Variants in GATM observed in about 807,000 individuals in gnomAD.
GATM encodes glycine amidinotransferase, mitochondrial.
In GATM, 23 loss-of-function variants were observed where a neutral mutation model predicts 54.2. The ratio of observed to expected loss-of-function variants is 0.42; its 90% CI spans 0.31 to 0.60. The LOEUF (loss-of-function observed/expected upper bound fraction) is 0.60. Ranked by LOEUF, GATM falls within the 20% of genes least tolerant of loss-of-function variation. GATM has a pLI of 0.14. For missense variants in GATM, 401 were observed against 544.9 expected (o/e 0.74, Z 2.63); for synonymous variants, 168 against 183.1 (o/e 0.92, Z 0.67).
At chr15:45,374,950 G>A (rs924480247) in intron 2 of GATM, among the ~76,000 whole-genome samples, 1 of 152,178 alleles carries the variant, frequency 6.6e-6, no homozygotes, top group African/African-American at 2.4e-5. Flanking sequence ...TCTAGGCTGT[G>A]TCTACAATGT....
intron 3 of GATM, among the ~76,000 whole-genome samples, chr15:45,389,132 T>C (rs760468632): frequency 6.6e-6 from 1 of 152,264 alleles, no homozygotes; most frequent in Non-Finnish European, 1.5e-5. Flanking sequence ...ATCAATAAAC[T>C]TTCCAGACAA....
chr15:45,363,250 C>T (rs779771099), intron 8 of GATM, among the ~76,000 whole-genome samples: 3 of 151,906 alleles, frequency 2.0e-5, no homozygotes, highest in African/African-American at 4.8e-5. Context: ...ACAGCCTGGG[C>T]GACACAGCTC....
chr15:45,378,270 C>T (rs1246150430), intron 1 of GATM, 115 bp downstream of exon 1: 2 of 777,756 alleles, frequency 2.6e-6, no homozygotes, highest in Non-Finnish European at 4.1e-6. Flanking sequence ...GCAATTCCGG[C>T]TAGGGAAAGC....
At chr15:45,370,093 T>C (rs558303162) in intron 2 of GATM, among the ~76,000 whole-genome samples, 3 of 152,314 alleles carry the variant, frequency 2.0e-5, no homozygotes, top group African/African-American at 7.2e-5. Context: ...AACCCCATTA[T>C]TGGCCAGGCA....
chr15:45,375,778 G>T (rs1016035463), intron 2 of GATM, among the ~76,000 whole-genome samples: 2 of 152,228 alleles, frequency 1.3e-5, no homozygotes, highest in East Asian at 3.9e-4. Context: ...TGCGGGGGGT[G>T]GTGGGGTAGT....
chr15:45,375,652 T>C (rs1313669863), intron 2 of GATM, among the ~76,000 whole-genome samples: 2 of 152,152 alleles, frequency 1.3e-5, no homozygotes, highest in Non-Finnish European at 2.9e-5. Flanking sequence ...AATGAACACC[T>C]GCTAATCTGC....
At chr15:45,386,270 G>A (rs1889802715) in intron 3 of GATM, among the ~76,000 whole-genome samples, 1 of 152,196 alleles carries the variant, frequency 6.6e-6, no homozygotes, top group Non-Finnish European at 1.5e-5. Context: ...TTTAAATAGT[G>A]ACAATCTTTG....
chr15:45,393,328 A>G (rs932492297), intron 3 of GATM, among the ~76,000 whole-genome samples: 1 of 152,154 alleles, frequency 6.6e-6, no homozygotes, highest in African/African-American at 2.4e-5. Flanking sequence ...CAAGCCACTT[A>G]GTTTTGAATC....
upstream of GATM, among the ~76,000 whole-genome samples, chr15:45,381,275 T>G (rs906829694): frequency 6.6e-6 from 1 of 152,212 alleles, no homozygotes; most frequent in Non-Finnish European, 1.5e-5. Flanking sequence ...CTAATAGTAG[T>G]TCATCTTTGT....
Position 45,362,066 on chromosome 15 carries a change from C to T in GATM, c.*43G>A, listed in dbSNP as rs1889373995. On this transcript the variant is annotated 3_prime_UTR_variant, in exon 9 of 9. Coordinates refer to ENST00000396659, the MANE Select transcript of GATM (RefSeq NM_001482.3). ...GAGAATGAACCTTGCCCCTAAGCTT[C>T]TTAGGTGTATCTGAGGCCAGCCACA... 1.7e-6 allele frequency: 2 copies of T among 1,182,444 alleles called. No homozygotes were observed. Among genetic ancestry groups the T allele is most frequent in the African/African-American group, 3.1e-5 (2 of 65,488 alleles). 73.2% of individuals were successfully genotyped at this position (1,182,444 alleles called of 1,614,324 possible).
chr15:45,363,263 T>C lies in GATM; in HGVS notation c.1159+637A>G, dbSNP rs537501251. 2.0e-5 allele frequency among the ~76,000 whole-genome samples: 3 copies of C among 151,852 alleles called. No individual in the cohort carries two copies. The South Asian group carries it at 6.2e-4, about 32-fold the overall frequency. ...CTACAGCCTGGGCGACACAGCTCTG[T>C]CTCAAAATACACACACACACCCCTT... On this transcript the variant is annotated intron_variant, in intron 8 of 8. Coordinates refer to ENST00000396659, the MANE Select transcript of GATM (RefSeq NM_001482.3).
upstream of GATM, among the ~76,000 whole-genome samples, chr15:45,382,706 T>C (rs1236810963): frequency 2.6e-5 from 4 of 152,066 alleles, no homozygotes; most frequent in African/African-American, 9.7e-5. Flanking sequence ...GGCAGGAGAA[T>C]TGCTTGAACC....
Position 45,376,666 on chromosome 15 carries a change from A to T in GATM, c.223T>A (p.Leu75Ile), listed in dbSNP as rs1204057066. ...PVSSYNEWDP[L>I]EEVIVGRAEN... ...GCTCTGCCCACTATCACTTCCTCTA[A>T]GGGGTCCCATTCGTTGTAAGAAGAG... The change falls in exon 2 of 9, where the codon TTA becomes ATA. Residue 75 changes from leucine (L) to isoleucine (I), a missense_variant. Coordinates refer to ENST00000396659, the MANE Select transcript of GATM (RefSeq NM_001482.3). 9.3e-6 allele frequency: 15 copies of T among 1,614,002 alleles called. No homozygotes were observed. The highest frequency in any genetic ancestry group is 2.7e-5 in the African/African-American group (2 of 74,900).
At chr15:45,364,939 CA>C (rs1889425837) in intron 6 of GATM, 79 bp from the exon 7 acceptor site, 2 of 1,151,366 alleles carry the variant, frequency 1.7e-6, no homozygotes, top group Non-Finnish European at 2.6e-6. Flanking sequence ...TAGCCCTTAT[CA>C]GTAATAATTC....
In GATM at chr15:45,393,830, G is replaced by A. The variant is rs540374846; in HGVS notation, c.-319+3092C>T. Among the ~76,000 whole-genome samples the A allele has an allele frequency of 5.9e-5, 9 of 152,256 alleles. No homozygotes were observed. In the South Asian group the frequency reaches 1.7e-3, roughly 28 times the overall value. Reference sequence around the variant, plus strand: ...CAGCACTCAAAAAGTTTTTGATGCTGAGCATTTTGCATTTTGGATTTCTGG... The same window carrying A: ...CAGCACTCAAAAAGTTTTTGATGCTAAGCATTTTGCATTTTGGATTTCTGG... On this transcript the variant is annotated intron_variant, in intron 3 of 4. Coordinates refer to the GATM transcript ENST00000561148.
In GATM at chr15:45,363,903, G is replaced by A; in HGVS notation, c.1156C>T (p.Leu386=). 6.3e-7 allele frequency: 1 copy of A among 1,585,466 alleles called. No homozygotes were observed. Residue 386 remains leucine, a synonymous_variant, in exon 8 of 9, where the codon CTG becomes TTG. Transcript: ENST00000396659. ...EVPIQKMFEK[L]GITTIKVNIR... ...ATGTTTCATTTGTTGTACATACCCA[G>A]CTTTTCAAACATCTTTTGAATTGGA...
chr15:45,370,440 A>G (rs1889523667), intron 2 of GATM, among the ~76,000 whole-genome samples: 1 of 152,138 alleles, frequency 6.6e-6, no homozygotes, highest in South Asian at 2.1e-4. Flanking sequence ...TTCCCATTCA[A>G]CAGAATTAAC....
At chr15:45,376,557 G>A in intron 2 of GATM, 44 bp downstream of exon 2, 1 of 1,522,122 alleles carries the variant, frequency 6.6e-7, no homozygotes. Flanking sequence ...AGCAGCAGGT[G>A]AGGAGGGAGC....
At chr15:45,397,862 G>T (rs914451118) in intron 2 of GATM, among the ~76,000 whole-genome samples, 6 of 152,142 alleles carry the variant, frequency 3.9e-5, no homozygotes, top group Non-Finnish European at 8.8e-5. Context: ...TCTCAGCATT[G>T]AATTGAATTA....
Sources: gnomAD v4.1 joint callset for allele counts (sites outside exome capture counted in the v4.1 genomes callset) on GRCh38, gnomAD v4.1.1 for gene constraint, MANE v1.5 for transcripts, NCBI Gene and HGNC (gene_info 2026-07-23, HGNC 2026-07-21) for gene names.